Variants in SFI1 observed in about 807,000 individuals in gnomAD.
SFI1 encodes SFI1 centrin binding protein, also known as protein SFI1 homolog.
In SFI1, 195 loss-of-function variants were observed where a neutral mutation model predicts 207.5. The ratio of observed to expected loss-of-function variants is 0.94; its 90% CI spans 0.84 to 1.06. SFI1 has a LOEUF of 1.06. Ranked by LOEUF, SFI1 falls within the 50% of genes least tolerant of loss-of-function variation. The pLI is 0.00. For missense variants in SFI1, 1,634 were observed against 1,588.0 expected (o/e 1.03, Z -0.49); for synonymous variants, 630 against 598.9 (o/e 1.05, Z -0.76).
At chr22:31,575,111 TG>T in intron 9 of SFI1, 119 bp from the exon 10 acceptor site, 1 of 551,414 alleles carries the variant, frequency 1.8e-6, no homozygotes. Flanking sequence ...TGTGTGTGTG[TG>T]TGTGTGTGTG....
At position 31,602,753 on chromosome 22, in the gene SFI1, C is replaced by T. The variant is rs61742595; in HGVS notation, c.1773C>T (p.Leu591=). 0.014 allele frequency: 23,013 copies of T among 1,614,008 alleles called. 184 individuals are homozygous for T. The highest frequency in any genetic ancestry group is 0.016 in the Non-Finnish European group (18,988 of 1,180,032). The change falls in exon 17 of 33, where the codon CTC becomes CTT. Residue 591 remains leucine, a synonymous_variant. Coordinates refer to ENST00000400288, the MANE Select transcript of SFI1 (RefSeq NM_001007467.3). ...GGCGGCTCAAGAAAGCTTTCTGCCT[C>T]TGGAGGGAAAGTGCCCAAGGGCTCA... is the stretch of plus-strand genomic sequence containing the variant. ...RHGRLKKAFC[L]WRESAQGLRT... is the part of the protein sequence containing the mutation.
intron 24 of SFI1, 183 bp downstream of exon 24, chr22:31,612,023 A>T (rs977981523): frequency 1.4e-6 from 2 of 1,400,246 alleles, no homozygotes; most frequent in African/African-American, 2.9e-5. Context: ...TTCCGTCTGC[A>T]GTCTGCATAA....
At chr22:31,552,127 G>A (rs111417525) in intron 6 of SFI1, among the ~76,000 whole-genome samples, 1,700 of 152,140 alleles carry the variant, frequency 0.011, 38 homozygotes, top group African/African-American at 0.039. Context: ...GAGAATATGT[G>A]GTATTTGATT....
chr22:31,585,645 CTGAGGAT>C (rs2064939684), intron 14 of SFI1, among the ~76,000 whole-genome samples: 3 of 152,296 alleles, frequency 2.0e-5, no homozygotes, highest in Admixed American at 2.0e-4. Flanking sequence ...GCACTAAGCA[CTGAGGAT>C]ACAACTGTGA....
chr22:31,591,355 C>G (rs1201964404), intron 15 of SFI1, among the ~76,000 whole-genome samples: 1 of 152,198 alleles, frequency 6.6e-6, no homozygotes, highest in East Asian at 1.9e-4. Flanking sequence ...GAAAAGTCTC[C>G]CATGTCTACT....
At chr22:31,543,617 C>G (rs926132644) in intron 4 of SFI1, among the ~76,000 whole-genome samples, 1 of 150,332 alleles carries the variant, frequency 6.7e-6, no homozygotes, top group Admixed American at 6.6e-5. Context: ...CGAGACCAGC[C>G]TGGCCATCGT....
intron 31 of SFI1, 31 bp from the exon 32 acceptor site, chr22:31,618,084 C>T (rs1473321600): frequency 6.5e-7 from 1 of 1,548,470 alleles, no homozygotes; most frequent in East Asian, 2.4e-5. Flanking sequence ...AGGACCCAGC[C>T]TGGCAGGCAG....
At chr22:31,506,033 C>T (rs1288533618) in intron 1 of SFI1, among the ~76,000 whole-genome samples, 1 of 150,460 alleles carries the variant, frequency 6.6e-6, no homozygotes, top group Non-Finnish European at 1.5e-5. Context: ...GCCTGGGTGA[C>T]AGAGGGAAAT....
At chr22:31,514,593 C>T (rs1284869081) in intron 2 of SFI1, among the ~76,000 whole-genome samples, 1 of 150,876 alleles carries the variant, frequency 6.6e-6, no homozygotes, top group Non-Finnish European at 1.5e-5. Context: ...CTTCCCAATT[C>T]TCCCTACTCC....
At chr22:31,519,831 T>C (rs2413056) in intron 2 of SFI1, among the ~76,000 whole-genome samples, 132,005 of 152,096 alleles carry the variant, frequency 0.87, 57,361 homozygotes, top group East Asian at 0.99. Context: ...CTTGGCCTCC[T>C]GTAGTGCTGG....
At chr22:31,500,167 A>G (rs1466104103) in intron 1 of SFI1, among the ~76,000 whole-genome samples, 1 of 148,522 alleles carries the variant, frequency 6.7e-6, no homozygotes, top group Non-Finnish European at 1.5e-5. Context: ...AAGAATATAA[A>G]AGCCAGTTGT....
At chr22:31,593,922 C>G (rs902293208) in intron 15 of SFI1, among the ~76,000 whole-genome samples, 2 of 126,596 alleles carry the variant, frequency 1.6e-5, no homozygotes, top group Non-Finnish European at 3.4e-5. Context: ...TGCAGTGAGC[C>G]GAGATGGCAG....
chr22:31,576,732 C>T (rs575058665), intron 10 of SFI1, among the ~76,000 whole-genome samples: 32 of 151,878 alleles, frequency 2.1e-4, no homozygotes, highest in Admixed American at 6.6e-4. Context: ...CTCTGCCTTC[C>T]GGGTTCAAGC....
At position 31,531,092 on chromosome 22, in the gene SFI1, C is replaced by G; in HGVS notation, c.301C>G (p.Arg101Gly). 1.2e-6 allele frequency: 2 copies of G among 1,613,518 alleles called. No homozygotes were observed. Among genetic ancestry groups the G allele is most frequent in the Non-Finnish European group, 1.7e-6 (2 of 1,179,790 alleles). The change falls in exon 4 of 33, where the codon CGA becomes GGA. Residue 101 changes from arginine (R) to glycine (G), a missense_variant. Coordinates refer to ENST00000400288, the MANE Select transcript of SFI1 (RefSeq NM_001007467.3). ...CAGAAAGTTCTTATATTTATGGATT[C>G]GAATGACTTTTGGAAGAGTATTTCC... ...VARKFLYLWI[R>G]MTFGRVFPSK... is the part of the protein sequence containing the mutation.
chr22:31,575,784 C>T (rs1042778003), intron 10 of SFI1, among the ~76,000 whole-genome samples: 1 of 152,180 alleles, frequency 6.6e-6, no homozygotes, highest in African/African-American at 2.4e-5. Context: ...ATAGCCACCA[C>T]TATCTTTTTC....
At position 31,574,805 on chromosome 22, in the gene SFI1, C is replaced by T. The variant is rs554264378; in HGVS notation, c.923-426C>T. 5.9e-5 allele frequency among the ~76,000 whole-genome samples: 9 copies of T among 152,110 alleles called. No individual in the cohort carries two copies. In the South Asian group the frequency reaches 1.9e-3, roughly 32 times the overall value. On this transcript the variant is annotated intron_variant, in intron 9 of 32. Coordinates refer to ENST00000400288, the MANE Select transcript of SFI1 (RefSeq NM_001007467.3). ...GGCGCGGTGGCTCACGTCTGTAATCCCAGCACTGTGAGAGGCTGAGGCGGG... is the reference window on the plus strand; with the variant it reads ...GGCGCGGTGGCTCACGTCTGTAATCTCAGCACTGTGAGAGGCTGAGGCGGG...
chr22:31,573,323 A>T, intron 9 of SFI1, 109 bp downstream of exon 9: 2 of 1,218,104 alleles, frequency 1.6e-6, no homozygotes, highest in Non-Finnish European at 2.2e-6. Flanking sequence ...TACTCCAGAA[A>T]TTTTGGTAAA....
intron 15 of SFI1, among the ~76,000 whole-genome samples, chr22:31,601,274 C>A (rs563087307): frequency 1.3e-5 from 2 of 152,060 alleles, no homozygotes; most frequent in South Asian, 4.1e-4. Flanking sequence ...CAGGCGCCCA[C>A]CACCAGGCCC....
In SFI1 at chr22:31,578,121, GT is replaced by G; in HGVS notation, c.1085-258del. On this transcript the variant is annotated intron_variant, in intron 10 of 32. Transcript: ENST00000400288. ...TAAATGTTTACTGAAATTGATAGCA[GT>G]TTATCTCAGGTATTTTTTGCGTCTC... The G allele has an allele frequency of 3.1e-5, 9 of 294,568 alleles. 2 individuals carry two copies. In the Admixed American group the frequency reaches 4.5e-4, roughly 15 times the overall value. The allele number at this position is 294,568 out of a possible 1,614,324, so 18.2% of individuals were successfully genotyped here.
Sources: gnomAD v4.1 joint callset for allele counts (sites outside exome capture counted in the v4.1 genomes callset) on GRCh38, gnomAD v4.1.1 for gene constraint, MANE v1.5 for transcripts, NCBI Gene and HGNC (gene_info 2026-07-23, HGNC 2026-07-21) for gene names.